Variants in OR2T27 observed in about 807,000 individuals in gnomAD.
OR2T27 encodes the protein olfactory receptor family 2 subfamily T member 27.
For missense variants in OR2T27, 152 were observed against 397.2 expected, an observed-to-expected ratio of 0.38 and a Z score of 5.25; for synonymous variants, 51 against 152.9, an observed-to-expected ratio of 0.33 and a Z score of 4.92.
At chr1:248,652,672 A>G (rs1214269659) in intron 1 of OR2T27, among the ~76,000 whole-genome samples, 1 of 21,968 alleles carries the variant, frequency 4.6e-5, no homozygotes, top group African/African-American at 5.1e-5. Context: ...GGAACTTCAC[A>G]CCAGGGCCCC....
chr1:248,651,064 GTTCAT>G, intron 1 of OR2T27, among the ~76,000 whole-genome samples, 176 bp from the exon 2 acceptor site: 1 of 46,026 alleles, frequency 2.2e-5, no homozygotes, highest in Admixed American at 3.3e-4. Flanking sequence ...TACCATCATT[GTTCAT>G]TTAAGGATTT....
chr1:248,649,852 C>T lies in OR2T27; in HGVS notation c.*79G>A. ...GGCATGTGGGTCACTTGTTTCCAGG[C>T]AGAGAATATTTAAATTCAAGGGCAA... On this transcript the variant is annotated 3_prime_UTR_variant, in exon 2 of 2. Transcript: ENST00000460972. The T allele has an allele frequency of 3.0e-6, 3 of 994,654 alleles. 1 individual carries two copies. Among genetic ancestry groups the T allele is most frequent in the Non-Finnish European group, 4.7e-6 (3 of 641,846 alleles). 61.6% of individuals were successfully genotyped at this position (994,654 alleles called of 1,614,324 possible).
Position 248,653,782 on chromosome 1 carries a change from G to C in OR2T27, c.-5+1662C>G, listed in dbSNP as rs1170513245. 9.1e-5 allele frequency among the ~76,000 whole-genome samples: 3 copies of C among 33,104 alleles called. 1 individual carries two copies. In the Non-Finnish European group the frequency reaches 3.3e-3, roughly 36 times the overall value. 21.7% of individuals were successfully genotyped at this position (33,104 alleles called of 152,430 possible). On this transcript the variant is annotated intron_variant, in intron 1 of 1. Transcript: ENST00000460972. ...TTTTTCATGACCTTTTCTATATATAGGTGATTTGTCGAGATTAGTCTATAG... is the reference window on the plus strand; with the variant it reads ...TTTTTCATGACCTTTTCTATATATACGTGATTTGTCGAGATTAGTCTATAG...
At chr1:248,653,418 C>G (rs192254360) in intron 1 of OR2T27, among the ~76,000 whole-genome samples, 1 of 142,290 alleles carries the variant, frequency 7.0e-6, no homozygotes, top group Non-Finnish European at 1.6e-5. Flanking sequence ...CCTTAGTAAA[C>G]GTCCAGTTCT....
chr1:248,650,802 A>C lies in OR2T27; in HGVS notation c.83T>G (p.Phe28Cys). Residue 28 changes from phenylalanine to cysteine, a missense_variant, in exon 2 of 2, where the codon TTT becomes TGT. By Grantham distance (205) the Phe-to-Cys change is radical. Coordinates refer to ENST00000460972, the MANE Select transcript of OR2T27 (RefSeq NM_001001824.2). Reference protein sequence around the residue: ...FSNARFPWLLFALILLVFLTS... With the variant: ...FSNARFPWLLCALILLVFLTS... ...CAAAAAGACCAGGAGAATGAGGGCAAAGAGAAGCCAGGGGAAACGGGCGTT... is the reference window on the plus strand; with the variant it reads ...CAAAAAGACCAGGAGAATGAGGGCACAGAGAAGCCAGGGGAAACGGGCGTT... 1 of 1,608,554 alleles carries C rather than the reference A, an allele frequency of 6.2e-7. No individual in the cohort carries two copies. Among genetic ancestry groups the C allele is most frequent in the Non-Finnish European group, 8.5e-7 (1 of 1,177,676 alleles).
In OR2T27 at chr1:248,649,843, G is replaced by GT. The variant is rs1311438522; in HGVS notation, c.*87dup. ...ACAGTTGGTGGCATGTGGGTCACTT[G>GT]TTTCCAGGCAGAGAATATTTAAATT... On this transcript the variant is annotated 3_prime_UTR_variant, in exon 2 of 2. Coordinates refer to ENST00000460972, the MANE Select transcript of OR2T27 (RefSeq NM_001001824.2). 44 of 939,002 alleles carry GT rather than the reference G, an allele frequency of 4.7e-5. 3 individuals carry two copies. The Admixed American group carries it at 8.8e-4, about 19-fold the overall frequency. 58.2% of individuals were successfully genotyped at this position (939,002 alleles called of 1,614,324 possible). A position where few individuals can be genotyped will look rare whatever the true frequency, so the allele number is the denominator to read the frequency against.
Position 248,649,898 on chromosome 1 carries a change from C to T in OR2T27, c.*33G>A. 1.5e-6 allele frequency: 2 copies of T among 1,375,592 alleles called. No homozygotes were observed. The highest frequency in any genetic ancestry group is 2.0e-6 in the Non-Finnish European group (2 of 1,000,374). The allele number at this position is 1,375,592 out of a possible 1,614,324, so 85.2% of individuals were successfully genotyped here. On this transcript the variant is annotated 3_prime_UTR_variant, in exon 2 of 2. Transcript: ENST00000460972. ...GGCAATGATAAAGTCTTGTATCCTT[C>T]ATTTCAAGTCTCTAGCAGCATATGA...
chr1:248,650,186 C>T lies in OR2T27; in HGVS notation c.699G>A (p.Gly233=), dbSNP rs1407559092. ...ITVYRMSEAE[G]RGKAVATCSS... The stretch of plus-strand genomic sequence containing the variant: ...AGCAGGTGGCCACAGCCTTTCCCCT[C>T]CCCTCTGCCTCGCTCATCCTATAAA... Residue 233 remains glycine, a synonymous_variant, in exon 2 of 2, where the codon GGG becomes GGA. Transcript: ENST00000460972. 1 of 1,556,098 alleles carries T rather than the reference C, an allele frequency of 6.4e-7. No homozygotes were observed. The highest frequency in any genetic ancestry group is 1.4e-5 in the African/African-American group (1 of 71,646).
intron 1 of OR2T27, among the ~76,000 whole-genome samples, chr1:248,653,600 T>A (rs866574128): frequency 3.4e-5 from 1 of 29,214 alleles, no homozygotes; most frequent in African/African-American, 4.2e-5. Context: ...TACTATGCTT[T>A]AGAAGCTTAT....
chr1:248,649,991 T>G lies in OR2T27; in HGVS notation c.894A>C (p.Thr298=). 6.4e-7 allele frequency: 1 copy of G among 1,557,744 alleles called. No individual in the cohort carries two copies. ...TCCCCACAACCTTCTGTAGGGCCCC[T>G]GTGACATCCTTGTTCCTAAGGCTGT... ...LIYSLRNKDV[T]GALQKVVGRC... is the part of the protein sequence containing the mutation. The change falls in exon 2 of 2, where the codon ACA becomes ACC. Residue 298 remains threonine, a synonymous_variant. Coordinates refer to ENST00000460972, the MANE Select transcript of OR2T27 (RefSeq NM_001001824.2).
At position 248,650,034 on chromosome 1, in the gene OR2T27, A is replaced by T; in HGVS notation, c.851T>A (p.Met284Lys). Residue 284 changes from methionine (M) to lysine (K), a missense_variant, in exon 2 of 2, where the codon ATG becomes AAG. Coordinates refer to ENST00000460972, the MANE Select transcript of OR2T27 (RefSeq NM_001001824.2). ...AAGGCTGTAAATGAGTGGATTGAGCATGGGAGTAAGGATGGTGTAGAAGGC... is the reference window on the plus strand; with the variant it reads ...AAGGCTGTAAATGAGTGGATTGAGCTTGGGAGTAAGGATGGTGTAGAAGGC... Reference protein sequence around the residue: ...VSAFYTILTPMLNPLIYSLRN... With the variant: ...VSAFYTILTPKLNPLIYSLRN... 7 of 1,577,166 alleles carry T rather than the reference A, an allele frequency of 4.4e-6. No individual in the cohort carries two copies. Among genetic ancestry groups the T allele is most frequent in the South Asian group, 2.3e-5 (2 of 88,854 alleles).
chr1:248,653,222 G>A (rs1415980108), intron 1 of OR2T27, among the ~76,000 whole-genome samples: 2 of 142,434 alleles, frequency 1.4e-5, no homozygotes, highest in African/African-American at 2.5e-5. Context: ...AAAGGGAAAG[G>A]GGAGATATGA....
intron 1 of OR2T27, among the ~76,000 whole-genome samples, chr1:248,652,414 C>CT (rs1661040916): frequency 6.7e-6 from 1 of 148,996 alleles, no homozygotes; most frequent in Admixed American, 6.7e-5. Context: ...AAGTAGACAT[C>CT]AATTCATTCC....
Position 248,650,598 on chromosome 1 carries a change from C to T in OR2T27, c.287G>A (p.Gly96Glu), listed in dbSNP as rs139856428. 5.8e-5 allele frequency: 86 copies of T among 1,480,286 alleles called. No individual in the cohort carries two copies. The African/African-American group carries it at 6.1e-4, about 11-fold the overall frequency. 91.7% of individuals were successfully genotyped at this position (1,480,286 alleles called of 1,614,324 possible). A position where few individuals can be genotyped will look rare whatever the true frequency, so the allele number is the denominator to read the frequency against. ...VMSQRAISFA[G>E]CTAQHFLYLT... ...GTAGAGGAAGTGTTGGGCAGTGCAT[C>T]CAGCAAAGGAAATGGCTCTCTGGCT... Residue 96 changes from glycine to glutamate, a missense_variant, in exon 2 of 2, where the codon GGA becomes GAA. Transcript: ENST00000460972.
intron 1 of OR2T27, among the ~76,000 whole-genome samples, chr1:248,651,957 T>C (rs1300559150): frequency 7.3e-5 from 11 of 149,968 alleles, no homozygotes; most frequent in African/African-American, 2.4e-4. Flanking sequence ...AACTTTTAGA[T>C]ATATTTGGAT....
At position 248,649,933 on chromosome 1, in the gene OR2T27, A is replaced by G; in HGVS notation, c.952T>C (p.Ter318GlnextTer7). ...CVSSGKVTTF* is the reference protein window; with the variant it reads ...CVSSGKVTTFQ ...CTCTAGCAGCATATGAAATTTCTTTAGAAAGTGGTTACCTTTCCTGAGGAC... is the reference window on the plus strand; with the variant it reads ...CTCTAGCAGCATATGAAATTTCTTTGGAAAGTGGTTACCTTTCCTGAGGAC... The change falls in exon 2 of 2, where the codon TAA becomes CAA. Residue 318 changes from the stop codon to glutamine (Q), a stop_lost. Coordinates refer to ENST00000460972, the MANE Select transcript of OR2T27 (RefSeq NM_001001824.2). 1 of 1,551,078 alleles carries G rather than the reference A, an allele frequency of 6.4e-7. No individual in the cohort carries two copies.
rs1379910849 is a variant in OR2T27 at position 248,653,160 on chromosome 1, T to C, written c.-4-2272A>G. Among the ~76,000 whole-genome samples, 5 of 143,590 alleles carry C rather than the reference T, an allele frequency of 3.5e-5. 1 individual carries two copies. The highest frequency in any genetic ancestry group is 7.7e-5 in the Non-Finnish European group (5 of 64,690). 94.2% of individuals were successfully genotyped at this position (143,590 alleles called of 152,430 possible). A position where few individuals can be genotyped will look rare whatever the true frequency, so the allele number is the denominator to read the frequency against. On this transcript the variant is annotated intron_variant, in intron 1 of 1. Coordinates refer to ENST00000460972, the MANE Select transcript of OR2T27 (RefSeq NM_001001824.2). ...CCTGAACCCTGACCATGAATACTCC[T>C]GGCCCTGAAACTTGCTAATGAGACC...
intron 1 of OR2T27, among the ~76,000 whole-genome samples, chr1:248,651,888 A>AACT (rs1236148240): frequency 2.0e-4 from 1 of 5,076 alleles, no homozygotes; most frequent in African/African-American, 2.1e-4. Flanking sequence ...GCACAAAGTT[A>AACT]ATTCAAACAC....
rs1433534663 is a variant in OR2T27 at position 248,655,247 on chromosome 1, C to T, written c.-5+197G>A. Among the ~76,000 whole-genome samples the T allele has an allele frequency of 3.3e-5, 4 of 122,346 alleles. 1 individual carries two copies. The highest frequency in any genetic ancestry group is 7.3e-5 in the Non-Finnish European group (4 of 54,664). The allele number at this position is 122,346 out of a possible 152,430, so 80.3% of individuals were successfully genotyped here. ...CTGATGTACAGAAAAGATAAGAGTCCATAACTACTAAGAAACGAGATTGAA... is the reference window on the plus strand; with the variant it reads ...CTGATGTACAGAAAAGATAAGAGTCTATAACTACTAAGAAACGAGATTGAA... On this transcript the variant is annotated intron_variant, in intron 1 of 1. Coordinates refer to ENST00000460972, the MANE Select transcript of OR2T27 (RefSeq NM_001001824.2).
Sources: gnomAD v4.1 joint callset for allele counts (sites outside exome capture counted in the v4.1 genomes callset) on GRCh38, gnomAD v4.1.1 for gene constraint, MANE v1.5 for transcripts, NCBI Gene and HGNC (gene_info 2026-07-23, HGNC 2026-07-21) for gene names.